CDH4: variants seen among roughly 807,000 people sequenced by gnomAD.
The protein encoded by CDH4 is cadherin-4.
A neutral mutation model predicts 86.0 loss-of-function variants in CDH4; 33 were observed. That is an observed-to-expected ratio of 0.38 (90% CI 0.29 to 0.51). CDH4 has a LOEUF of 0.51. Among genes scored for constraint, CDH4 ranks in the 20% least tolerant of loss-of-function variants. The pLI is 0.86. For missense variants in CDH4, 1,114 were observed against 1,307.4 expected (o/e 0.85, Z 2.28); for synonymous variants, 555 against 549.4 (o/e 1.01, Z -0.14).
At position 61,810,725 on chromosome 20, in the gene CDH4, C is replaced by T. The variant is rs957794078; in HGVS notation, c.577-33943C>T. ...ACTCTGCCGCTAGATGACGTGTAGCCGCATTCAGGGTCTGGCTGCCAGGGC... is the reference window on the plus strand; with the variant it reads ...ACTCTGCCGCTAGATGACGTGTAGCTGCATTCAGGGTCTGGCTGCCAGGGC... On this transcript the variant is annotated intron_variant, in intron 4 of 15. Transcript: ENST00000614565. The surrounding 1 kb of genome is among the most constrained non-coding windows in gnomAD (Gnocchi z 4.3). Among the ~76,000 whole-genome samples, 4 of 152,152 alleles carry T rather than the reference C, an allele frequency of 2.6e-5. No homozygotes were observed. The highest frequency in any genetic ancestry group is 4.8e-5 in the African/African-American group (2 of 41,442).
intron 2 of CDH4, among the ~76,000 whole-genome samples, chr20:61,535,893 G>A (rs1057326893): frequency 2.0e-5 from 3 of 152,182 alleles, no homozygotes; most frequent in Admixed American, 6.5e-5. Context: ...TAGGTTAGAC[G>A]CCCTTTGGGT....
chr20:61,382,235 G>T (rs1281144555), intron 2 of CDH4, among the ~76,000 whole-genome samples: 1 of 152,196 alleles, frequency 6.6e-6, no homozygotes, highest in Non-Finnish European at 1.5e-5. Context: ...CTTACTTGAT[G>T]CCTATTGACT....
At position 61,362,066 on chromosome 20, in the gene CDH4, G is replaced by A. The variant is rs191132662; in HGVS notation, c.169+107129G>A. On this transcript the variant is annotated intron_variant, in intron 2 of 15. Coordinates refer to ENST00000614565, the MANE Select transcript of CDH4 (RefSeq NM_001794.5). ...TGGTGAAGAAGATGCAGAGGGCTGC[G>A]CGTCCCTTAGCCAGCATGGTCGGTG... Among the ~76,000 whole-genome samples, 137 of 152,360 alleles carry A rather than the reference G, an allele frequency of 9.0e-4. 1 individual carries two copies. The highest frequency in any genetic ancestry group is 6.9e-4 in the Non-Finnish European group (47 of 68,034).
chr20:61,351,812 G>A (rs1163940895), intron 2 of CDH4, among the ~76,000 whole-genome samples: 1 of 151,920 alleles, frequency 6.6e-6, no homozygotes, highest in Non-Finnish European at 1.5e-5. Context: ...CGCCTCCCAG[G>A]TTCAAGCGAT....
At chr20:61,303,315 G>A (rs1011707122) in intron 2 of CDH4, among the ~76,000 whole-genome samples, 1 of 152,196 alleles carries the variant, frequency 6.6e-6, no homozygotes, top group African/African-American at 2.4e-5. Context: ...TGCTGGGGTG[G>A]CCTTCCTGCT....
intron 15 of CDH4, among the ~76,000 whole-genome samples, chr20:61,936,179 C>G (rs1305815014): frequency 6.6e-6 from 1 of 151,966 alleles, no homozygotes; most frequent in Non-Finnish European, 1.5e-5. Context: ...CAATGGTCAG[C>G]TAGACTGGAG....
chr20:61,801,434 G>A (rs1979825361), intron 4 of CDH4, among the ~76,000 whole-genome samples: 1 of 152,220 alleles, frequency 6.6e-6, no homozygotes, highest in African/African-American at 2.4e-5. Context: ...TCTTCTTTGT[G>A]TCTCTGAAGT....
At chr20:61,774,165 C>T (rs940874287) in intron 4 of CDH4, among the ~76,000 whole-genome samples, 4 of 152,268 alleles carry the variant, frequency 2.6e-5, no homozygotes, top group Admixed American at 6.5e-5. Flanking sequence ...GGCCCTCCCA[C>T]CTCAGCACCC....
At chr20:61,843,433 G>A (rs1311012078) in intron 4 of CDH4, among the ~76,000 whole-genome samples, 1 of 132,640 alleles carries the variant, frequency 7.5e-6, no homozygotes, top group African/African-American at 2.7e-5. Context: ...GTCCGGCCTG[G>A]GCGACAGAGC....
intron 8 of CDH4, among the ~76,000 whole-genome samples, chr20:61,897,340 C>T (rs1039335026): frequency 2.6e-5 from 4 of 152,126 alleles, no homozygotes; most frequent in Non-Finnish European, 2.9e-5. Context: ...GTCCCCATCC[C>T]GAGACTCTGG....
chr20:61,778,696 C>T (rs1442091412), intron 4 of CDH4, among the ~76,000 whole-genome samples: 1 of 152,080 alleles, frequency 6.6e-6, no homozygotes, highest in Non-Finnish European at 1.5e-5. Context: ...CCCAGGCTGT[C>T]CCTTCTTCTC....
intron 2 of CDH4, chr20:61,370,514 T>TAA (rs2084834450): frequency 6.6e-6 from 1 of 152,222 alleles, no homozygotes; most frequent in Non-Finnish European, 1.5e-5. Context: ...TCCAGGGGTT[T>TAA]CCTCCTCTAT....
At chr20:61,295,972 G>A (rs1441244570) in intron 2 of CDH4, among the ~76,000 whole-genome samples, 4 of 152,204 alleles carry the variant, frequency 2.6e-5, no homozygotes, top group Non-Finnish European at 2.9e-5. Context: ...GTGGGAACAC[G>A]TGGGAGGGTC....
chr20:61,933,219 A>G, intron 14 of CDH4, 95 bp downstream of exon 14: 1 of 1,477,714 alleles, frequency 6.8e-7, no homozygotes, highest in Non-Finnish European at 9.2e-7. Context: ...TAACAGTAAG[A>G]CATTTCAACC....
chr20:61,654,721 T>C (rs955814063), intron 2 of CDH4, among the ~76,000 whole-genome samples: 5 of 152,260 alleles, frequency 3.3e-5, no homozygotes, highest in Non-Finnish European at 7.3e-5. Flanking sequence ...AGGATACGAA[T>C]TCTGTAGGGA....
At position 61,526,143 on chromosome 20, in the gene CDH4, C is replaced by T. The variant is rs77887270; in HGVS notation, c.170-217420C>T. On this transcript the variant is annotated intron_variant, in intron 2 of 15. Coordinates refer to ENST00000614565, the MANE Select transcript of CDH4 (RefSeq NM_001794.5). ...CTGTTCCTTCCGAGTCTCTATGGGT[C>T]CCTCTGTCCCTCTCCTGCTGGTGCC... Among the ~76,000 whole-genome samples, 562 of 152,154 alleles carry T rather than the reference C, an allele frequency of 3.7e-3. 1 individual carries two copies. Among genetic ancestry groups the T allele is most frequent in the African/African-American group, 0.013 (540 of 41,464 alleles).
chr20:61,535,748 C>G (rs540751059), intron 2 of CDH4, among the ~76,000 whole-genome samples: 2 of 152,182 alleles, frequency 1.3e-5, no homozygotes, highest in South Asian at 4.2e-4. Flanking sequence ...CCTTCAGTGC[C>G]GGTCCTTTGG....
At chr20:61,717,807 C>T (rs8121433) in intron 2 of CDH4, 44,414 of 152,258 alleles carry the variant, frequency 0.29, 6,549 homozygotes, top group African/African-American at 0.32. Flanking sequence ...AATAAGTGTG[C>T]ATCACCGCCC....
chr20:61,411,008 C>T (rs556970065), intron 2 of CDH4, among the ~76,000 whole-genome samples: 5 of 152,168 alleles, frequency 3.3e-5, no homozygotes, highest in African/African-American at 9.6e-5. Context: ...TCCATTCATC[C>T]ATCTTTCCAT....
Sources: allele counts gnomAD v4.1 joint callset (sites outside exome capture counted in the v4.1 genomes callset), GRCh38; gene constraint gnomAD v4.1.1; non-coding constraint Gnocchi (gnomAD v3.1); transcripts MANE v1.5; gene names NCBI Gene and HGNC (gene_info 2026-07-23, HGNC 2026-07-21).